CA10: variants seen among roughly 807,000 people sequenced by gnomAD.
The protein encoded by CA10 is carbonic anhydrase 10 (inactive).
A neutral mutation model predicts 44.2 loss-of-function variants in CA10; 14 were observed. The ratio of observed to expected loss-of-function variants is 0.32; its 90% confidence interval spans 0.21 to 0.50. The LOEUF (loss-of-function observed/expected upper bound fraction) is 0.50, where lower values mean the gene tolerates loss of function less well. Ranked by LOEUF, CA10 falls within the 20% of genes least tolerant of loss-of-function variation. CA10 has a pLI of 0.99. For synonymous variants in CA10, 159 were observed against 141.6 expected (o/e 1.12, Z -0.87); for missense variants, 350 against 409.7 (o/e 0.85, Z 1.26).
At chr17:52,059,661 T>A (rs1987326731) in intron 2 of CA10, among the ~76,000 whole-genome samples, 1 of 122,622 alleles carries the variant, frequency 8.2e-6, no homozygotes, top group Non-Finnish European at 1.8e-5. Context: ...CCCTAGAACT[T>A]AAAGTATAAT....
In CA10 at chr17:51,695,781, G is replaced by A. The variant is rs181295636; in HGVS notation, c.466-42045C>T. Among the ~76,000 whole-genome samples the A allele has an allele frequency of 1.7e-3, 259 of 152,280 alleles. 1 individual carries two copies. The highest frequency in any genetic ancestry group is 5.8e-3 in the African/African-American group (239 of 41,556). Reference sequence around the variant, plus strand: ...AATGCTTCCAGCTTTTGCCTATTCAGTATAATGTTGGCTGTGGTTTTGTCA... The same window carrying A: ...AATGCTTCCAGCTTTTGCCTATTCAATATAATGTTGGCTGTGGTTTTGTCA... On this transcript the variant is annotated intron_variant, in intron 4 of 8. Coordinates refer to ENST00000451037, the MANE Select transcript of CA10 (RefSeq NM_020178.5).
intron 1 of CA10, among the ~76,000 whole-genome samples, chr17:52,102,715 T>C (rs1024931446): frequency 1.8e-4 from 27 of 152,214 alleles, no homozygotes; most frequent in African/African-American, 6.5e-4. Context: ...TGCTGCCTGA[T>C]TCATGAGTCA....
rs138049409 is a variant in CA10, at chr17:51,746,750, C to T, written c.465+883G>A. Among the ~76,000 whole-genome samples the T allele has an allele frequency of 2.0e-5, 3 of 152,294 alleles. No individual in the cohort carries two copies. In the East Asian group the frequency reaches 5.8e-4, roughly 29 times the overall value. On this transcript the variant is annotated intron_variant, in intron 4 of 8. Coordinates refer to ENST00000451037, the MANE Select transcript of CA10 (RefSeq NM_020178.5). ...CACATTAAAATCTGGCTGCTGGACT[C>T]ATTAAGATTGTGGGTCTGTTTCTTA...
chr17:51,938,288 G>A (rs962110543), intron 2 of CA10, among the ~76,000 whole-genome samples: 4 of 152,070 alleles, frequency 2.6e-5, no homozygotes, highest in African/African-American at 9.7e-5. Flanking sequence ...TGAGGAGGGG[G>A]AACAGCATGA....
At chr17:51,851,499 T>A (rs538642064) in intron 3 of CA10, among the ~76,000 whole-genome samples, 3 of 152,216 alleles carry the variant, frequency 2.0e-5, no homozygotes, top group Non-Finnish European at 2.9e-5. Context: ...TGAAATTAAT[T>A]AATACATGTA....
chr17:52,138,338 T>C (rs10853121), intron 1 of CA10, among the ~76,000 whole-genome samples: 74,172 of 151,998 alleles, frequency 0.49, 19,919 homozygotes, highest in East Asian at 0.74. Flanking sequence ...TCTCAAGATC[T>C]TTAATCATGA....
At chr17:51,878,802 G>A (rs1401027507) in intron 3 of CA10, among the ~76,000 whole-genome samples, 17 of 118,372 alleles carry the variant, frequency 1.4e-4, no homozygotes, top group African/African-American at 5.1e-4. Context: ...GCTCTTCCAA[G>A]GAACTCTTTT....
chr17:51,903,296 T>C (rs1981397663), intron 3 of CA10, among the ~76,000 whole-genome samples: 1 of 152,156 alleles, frequency 6.6e-6, no homozygotes, highest in Non-Finnish European at 1.5e-5. Flanking sequence ...AAAGGAGAGT[T>C]TGCAGGTGCT....
intron 1 of CA10, among the ~76,000 whole-genome samples, chr17:52,137,030 T>C (rs1989375600): frequency 6.6e-6 from 1 of 152,282 alleles, no homozygotes; most frequent in East Asian, 1.9e-4. Flanking sequence ...AAATTCTTCT[T>C]CTGTATTTCT....
At chr17:52,116,721 A>G (rs947856338) in intron 1 of CA10, among the ~76,000 whole-genome samples, 27 of 152,226 alleles carry the variant, frequency 1.8e-4, no homozygotes, top group African/African-American at 6.5e-4. Context: ...AGTTGAGCTC[A>G]GGGGAAAGGA....
At chr17:52,038,936 T>C (rs758405347) in intron 2 of CA10, among the ~76,000 whole-genome samples, 5 of 152,198 alleles carry the variant, frequency 3.3e-5, no homozygotes, top group Non-Finnish European at 7.4e-5. Flanking sequence ...AATAGTGTCA[T>C]AGAAATTTTG....
chr17:51,677,832 A>G (rs1272055904), intron 4 of CA10, among the ~76,000 whole-genome samples: 2 of 152,084 alleles, frequency 1.3e-5, no homozygotes, highest in Non-Finnish European at 2.9e-5. Flanking sequence ...GGTACCTCAA[A>G]AAGTTAAACA....
At chr17:51,752,831 A>G (rs113160330) in intron 3 of CA10, among the ~76,000 whole-genome samples, 4,567 of 152,220 alleles carry the variant, frequency 0.03, 236 homozygotes, top group African/African-American at 0.1. Context: ...GAGGCAGGAG[A>G]ATCACTTGAA....
intron 1 of CA10, 45 bp downstream of exon 1, chr17:52,157,681 C>T: frequency 8.9e-6 from 14 of 1,574,978 alleles, no homozygotes; most frequent in Non-Finnish European, 1.2e-5. Flanking sequence ...CCCCAGACAT[C>T]ACAACATAAT....
chr17:51,691,225 A>G (rs187386791), intron 4 of CA10, among the ~76,000 whole-genome samples: 175 of 152,292 alleles, frequency 1.1e-3, no homozygotes, highest in Non-Finnish European at 1.9e-3. Flanking sequence ...CATCCTTTGC[A>G]CATATTCTCC....
intron 1 of CA10, among the ~76,000 whole-genome samples, chr17:52,088,224 TAAAA>T (rs1030228950): frequency 6.6e-6 from 1 of 151,934 alleles, no homozygotes; most frequent in South Asian, 2.1e-4. Context: ...CCCTTGAACT[TAAAA>T]AAAGTTTAAA....
chr17:52,121,343 C>T (rs1989010660), intron 1 of CA10, among the ~76,000 whole-genome samples: 1 of 151,806 alleles, frequency 6.6e-6, no homozygotes, highest in African/African-American at 2.4e-5. Flanking sequence ...CTATTATTGG[C>T]AAAACTGTCT....
intron 4 of CA10, among the ~76,000 whole-genome samples, chr17:51,659,128 T>C (rs932473758): frequency 2.6e-5 from 4 of 152,194 alleles, no homozygotes; most frequent in Non-Finnish European, 5.9e-5. Flanking sequence ...TTTGAATCAG[T>C]AGGCTGAGTA....
chr17:52,121,938 T>A lies in CA10; in HGVS notation c.61+35788A>T, dbSNP rs12453099. Reference sequence around the variant, plus strand: ...CCAACCTCTGGTGCATCTCTCAGAATGTAGCAATTATTATCCTAGCACCAA... The same window carrying A: ...CCAACCTCTGGTGCATCTCTCAGAAAGTAGCAATTATTATCCTAGCACCAA... On this transcript the variant is annotated intron_variant, in intron 1 of 8. Transcript: ENST00000451037. Among the ~76,000 whole-genome samples, 907 of 152,316 alleles carry A rather than the reference T, an allele frequency of 6.0e-3. 5 individuals are homozygous for A. Among genetic ancestry groups the A allele is most frequent in the Non-Finnish European group, 0.01 (683 of 68,024 alleles).
Sources: allele counts gnomAD v4.1 joint callset (sites outside exome capture counted in the v4.1 genomes callset), GRCh38; gene constraint gnomAD v4.1.1; transcripts MANE v1.5; gene names NCBI Gene and HGNC (gene_info 2026-07-23, HGNC 2026-07-21).